Variants in ANGPT2 observed in about 807,000 individuals in gnomAD.
ANGPT2 encodes the protein angiopoietin 2, also known as angiopoietin-2.
ANGPT2 carries 28 observed loss-of-function variants against 62.9 expected under a neutral mutation model. The observed-to-expected ratio is 0.44, with a 90% confidence interval of 0.33 to 0.61. The LOEUF (loss-of-function observed/expected upper bound fraction) is 0.61. Ranked by LOEUF, ANGPT2 falls within the 20% of genes least tolerant of loss-of-function variation. The probability of loss-of-function intolerance (pLI) is 0.03; values close to 1 mark genes in which losing one functional copy is unlikely to be tolerated. For synonymous variants in ANGPT2, 284 were observed against 207.8 expected (o/e 1.37, Z -3.15); for missense variants, 727 against 594.9 (o/e 1.22, Z -2.31).
chr8:6,514,818 C>T (rs745762047), intron 5 of ANGPT2, 40 bp from the exon 6 acceptor site: 7 of 1,556,044 alleles, frequency 4.5e-6, no homozygotes, highest in Non-Finnish European at 5.3e-6. Flanking sequence ...CAGAGCCCCC[C>T]CACTCCCCCC....
rs1812269259 is a variant in ANGPT2 at position 6,501,896 on chromosome 8, G to A, written c.*1205C>T. 1.3e-5 allele frequency: 2 copies of A among 150,062 alleles called. No homozygotes were observed. 9.3% of individuals were successfully genotyped at this position (150,062 alleles called of 1,614,324 possible). A position where few individuals can be genotyped will look rare whatever the true frequency, so the allele number is the denominator to read the frequency against. On this transcript the variant is annotated 3_prime_UTR_variant, in exon 9 of 9. Transcript: ENST00000629816. Reference sequence around the variant, plus strand: ...TTTGGTAAATATTTAAATATATTATGAACATCAGATTTTGTTTTTGCACTT... The same window carrying A: ...TTTGGTAAATATTTAAATATATTATAAACATCAGATTTTGTTTTTGCACTT...
chr8:6,540,510 A>T (rs1473841577), intron 1 of ANGPT2, among the ~76,000 whole-genome samples: 1 of 152,244 alleles, frequency 6.6e-6, no homozygotes, highest in African/African-American at 2.4e-5. Flanking sequence ...GTGAGCGTGC[A>T]GCCTCATGGC....
At position 6,562,664 on chromosome 8, in the gene ANGPT2, T is replaced by C. The variant is rs2129575921; in HGVS notation, c.271A>G (p.Thr91Ala). Reference protein sequence around the residue: ...QVLENIMENNTQWLMKLENYI... With the variant: ...QVLENIMENNAQWLMKLENYI... ...TTTCCTACCTTCATTAGCCACTGAG[T>C]GTTGTTTTCCATGATGTTCTCCAGC... The change falls in exon 1 of 9, where the codon ACT (threonine) becomes GCT (alanine). Residue 91 changes from threonine (T) to alanine (A), a missense_variant. Transcript: ENST00000629816. 6.4e-7 allele frequency: 1 copy of C among 1,574,462 alleles called. No individual in the cohort carries two copies. The highest frequency in any genetic ancestry group is 1.7e-5 in the Admixed American group (1 of 58,850).
chr8:6,535,676 G>A (rs1820355986), intron 1 of ANGPT2, among the ~76,000 whole-genome samples: 1 of 152,140 alleles, frequency 6.6e-6, no homozygotes, highest in African/African-American at 2.4e-5. Flanking sequence ...TGACTGCATT[G>A]CTAATTAATT....
At chr8:6,562,466 C>A (rs557308891) in intron 1 of ANGPT2, among the ~76,000 whole-genome samples, 181 bp downstream of exon 1, 1 of 149,084 alleles carries the variant, frequency 6.7e-6, no homozygotes, top group African/African-American at 2.4e-5. Flanking sequence ...ACTACCCACA[C>A]ACCCTGGGAT....
At chr8:6,536,057 A>G (rs535316584) in intron 1 of ANGPT2, among the ~76,000 whole-genome samples, 16 of 152,226 alleles carry the variant, frequency 1.1e-4, no homozygotes, top group Non-Finnish European at 2.4e-4. Context: ...ACCTTGTCTC[A>G]AAAAAAGAAA....
At chr8:6,532,523 C>G in intron 1 of ANGPT2, 36 bp from the exon 2 acceptor site, 2 of 1,511,424 alleles carry the variant, frequency 1.3e-6, no homozygotes, top group Middle Eastern at 1.7e-4. Context: ...AGTCATTAGT[C>G]AAATGACCGG....
intron 5 of ANGPT2, among the ~76,000 whole-genome samples, chr8:6,519,457 C>G (rs1816889757): frequency 6.6e-6 from 1 of 152,132 alleles, no homozygotes; most frequent in South Asian, 2.1e-4. Flanking sequence ...TTTGACACAG[C>G]AGTAGAAATT....
rs575405694 is a variant in ANGPT2 at position 6,520,314 on chromosome 8, A to T, written c.800-323T>A. On this transcript the variant is annotated intron_variant, in intron 4 of 8. Coordinates refer to ENST00000629816, the MANE Select transcript of ANGPT2 (RefSeq NM_001118887.2). ...ATAAATTAAATTATTACTTTTGAAG[A>T]TCTTTCATCTTGAGCAGAATAGGGT... 3.3e-5 allele frequency among the ~76,000 whole-genome samples: 5 copies of T among 152,334 alleles called. No homozygotes were observed. The East Asian group carries it at 7.7e-4, about 23-fold the overall frequency.
At chr8:6,534,363 A>G (rs1178039254) in intron 1 of ANGPT2, among the ~76,000 whole-genome samples, 3 of 152,204 alleles carry the variant, frequency 2.0e-5, no homozygotes, top group Admixed American at 2.0e-4. Context: ...ATGCAGATCT[A>G]CCCTGTTTTA....
At chr8:6,531,028 G>A (rs1196820861) in intron 2 of ANGPT2, among the ~76,000 whole-genome samples, 1 of 152,116 alleles carries the variant, frequency 6.6e-6, no homozygotes, top group Non-Finnish European at 1.5e-5. Context: ...TTATAGCCCA[G>A]AGTAGGAAGC....
intron 1 of ANGPT2, among the ~76,000 whole-genome samples, chr8:6,535,273 C>T (rs930035593): frequency 2.0e-5 from 3 of 152,144 alleles, no homozygotes; most frequent in African/African-American, 7.2e-5. Flanking sequence ...GTTTGCAACT[C>T]TCCAGAGATA....
intron 1 of ANGPT2, among the ~76,000 whole-genome samples, chr8:6,558,185 C>G (rs964314664): frequency 2.0e-5 from 3 of 152,120 alleles, no homozygotes; most frequent in African/African-American, 7.2e-5. Flanking sequence ...AGAAGGAACG[C>G]TGTACATTTG....
At chr8:6,529,507 G>A (rs115553146) in intron 2 of ANGPT2, among the ~76,000 whole-genome samples, 9,117 of 149,610 alleles carry the variant, frequency 0.061, 953 homozygotes, top group African/African-American at 0.21. Flanking sequence ...GCTGCAGTGC[G>A]GTGGCACCAT....
chr8:6,559,676 A>T (rs1038508117), intron 1 of ANGPT2, among the ~76,000 whole-genome samples: 18 of 147,728 alleles, frequency 1.2e-4, no homozygotes, highest in African/African-American at 4.2e-4. Flanking sequence ...CTCTTATCAG[A>T]AAAAAAAATT....
intron 4 of ANGPT2, 53 bp from the exon 5 acceptor site, chr8:6,520,044 A>G (rs1586315584): frequency 1.3e-6 from 2 of 1,592,722 alleles, no homozygotes; most frequent in Non-Finnish European, 1.7e-6. Context: ...AAAGACAAAG[A>G]CTTGTTATTT....
intron 4 of ANGPT2, 60 bp from the exon 5 acceptor site, chr8:6,520,051 A>T: frequency 6.3e-7 from 1 of 1,580,498 alleles, no homozygotes; most frequent in Non-Finnish European, 8.6e-7. Flanking sequence ...AAGACTTGTT[A>T]TTTCAAGAGC....
chr8:6,541,001 C>G (rs1349418156), intron 1 of ANGPT2, among the ~76,000 whole-genome samples: 1 of 150,858 alleles, frequency 6.6e-6, no homozygotes, highest in African/African-American at 2.4e-5. Context: ...GCATTCATGA[C>G]CCAGGTTTTG....
chr8:6,544,393 A>G (rs920016441), intron 1 of ANGPT2, among the ~76,000 whole-genome samples: 3 of 152,246 alleles, frequency 2.0e-5, no homozygotes, highest in Non-Finnish European at 2.9e-5. Context: ...CATGGTGATT[A>G]TGACTTTGGG....
Sources: allele counts gnomAD v4.1 joint callset (sites outside exome capture counted in the v4.1 genomes callset), GRCh38; gene constraint gnomAD v4.1.1; transcripts MANE v1.5; gene names NCBI Gene and HGNC (gene_info 2026-07-23, HGNC 2026-07-21).